The following DYM variants were observed in gnomAD, a reference collection of about 807,000 sequenced individuals.
The protein encoded by DYM is dymeclin, also known as dyggve-Melchior-Clausen syndrome protein.
In DYM, 78 loss-of-function variants were observed where a neutral mutation model predicts 93.1. That is an observed-to-expected ratio of 0.84 (90% CI 0.70 to 1.01). DYM has a LOEUF of 1.01. DYM is among the 50% of genes least tolerant of loss of function. DYM has a pLI of 0.00. For missense variants in DYM, 789 were observed against 845.0 expected (o/e 0.93, Z 0.82); for synonymous variants, 321 against 319.7 (o/e 1.00, Z -0.04).
At chr18:49,139,832 T>C (rs2084260263) in intron 15 of DYM, among the ~76,000 whole-genome samples, 1 of 152,180 alleles carries the variant, frequency 6.6e-6, no homozygotes, top group Non-Finnish European at 1.5e-5. Context: ...ATTTGTTTTT[T>C]AACTCTCAGA....
intron 11 of DYM, among the ~76,000 whole-genome samples, chr18:49,261,029 T>C (rs1195564385): frequency 1.3e-5 from 2 of 152,030 alleles, no homozygotes; most frequent in African/African-American, 4.8e-5. Flanking sequence ...TAAATCTAAA[T>C]AATATACTAA....
chr18:49,141,110 C>G (rs1205329725), intron 15 of DYM, among the ~76,000 whole-genome samples: 1 of 151,972 alleles, frequency 6.6e-6, no homozygotes, highest in Non-Finnish European at 1.5e-5. Flanking sequence ...CTGGATTATC[C>G]CTCTTTCCTT....
At chr18:49,106,342 G>T (rs1452478489) in intron 16 of DYM, among the ~76,000 whole-genome samples, 1 of 152,170 alleles carries the variant, frequency 6.6e-6, no homozygotes, top group Non-Finnish European at 1.5e-5. Context: ...ACACTGATGG[G>T]TCTTGACTCT....
chr18:49,267,043 T>A (rs2094581812), intron 11 of DYM, among the ~76,000 whole-genome samples: 2 of 151,776 alleles, frequency 1.3e-5, no homozygotes, highest in South Asian at 4.2e-4. Flanking sequence ...AAACAAAAAA[T>A]GGAGGAAAAA....
At chr18:49,110,196 A>C (rs951019014) in intron 16 of DYM, among the ~76,000 whole-genome samples, 6 of 152,228 alleles carry the variant, frequency 3.9e-5, no homozygotes. Flanking sequence ...AAATATTTAC[A>C]ATCTGCTCAC....
intron 11 of DYM, among the ~76,000 whole-genome samples, chr18:49,271,913 A>G (rs2094708650): frequency 6.6e-6 from 1 of 151,946 alleles, no homozygotes. Flanking sequence ...GAAATGCTGA[A>G]GAAAAATGAA....
At chr18:49,235,146 T>C (rs974330786) in intron 13 of DYM, among the ~76,000 whole-genome samples, 4 of 152,178 alleles carry the variant, frequency 2.6e-5, no homozygotes, top group African/African-American at 9.7e-5. Flanking sequence ...TACAGAATTG[T>C]GGGATAACAA....
At chr18:49,350,211 T>C (rs111441533) in intron 6 of DYM, among the ~76,000 whole-genome samples, 1 of 152,174 alleles carries the variant, frequency 6.6e-6, no homozygotes, top group African/African-American at 2.4e-5. Flanking sequence ...TGAATATTCA[T>C]TGGAGTGTTG....
intron 17 of DYM, among the ~76,000 whole-genome samples, chr18:49,076,071 T>A (rs1317150466): frequency 6.6e-6 from 1 of 152,122 alleles, no homozygotes; most frequent in Non-Finnish European, 1.5e-5. Context: ...AAAGTAAATT[T>A]CAAAAAAGCA....
chr18:49,081,214 A>G (rs1273328424), intron 17 of DYM, among the ~76,000 whole-genome samples: 37 of 150,492 alleles, frequency 2.5e-4, no homozygotes, highest in Admixed American at 2.4e-3. Context: ...CCTGGGCACC[A>G]TTGAGCACTG....
At chr18:49,416,103 T>C (rs1342641451) in intron 2 of DYM, among the ~76,000 whole-genome samples, 1 of 152,198 alleles carries the variant, frequency 6.6e-6, no homozygotes, top group Non-Finnish European at 1.5e-5. Flanking sequence ...CTTATTTTCA[T>C]TCCTCAAATA....
chr18:49,162,097 A>G (rs10775491), intron 15 of DYM, among the ~76,000 whole-genome samples: 88,036 of 152,080 alleles, frequency 0.58, 27,909 homozygotes, highest in Non-Finnish European at 0.73. Flanking sequence ...ATTCCAAAAT[A>G]TAAGAAATGT....
rs1169909440 is a variant in DYM at position 49,379,655 on chromosome 18, G to C, written c.287+10C>G. ...ATATAAAGCAAACATGGTTTAATTA[G>C]CCAGCTTACTTCTGACATTCTGCTG... On this transcript the variant is annotated intron_variant, in intron 4 of 17. Transcript: ENST00000675505. 1 of 1,598,668 alleles carries C rather than the reference G, an allele frequency of 6.3e-7. No homozygotes were observed. Among genetic ancestry groups the C allele is most frequent in the Non-Finnish European group, 8.6e-7 (1 of 1,166,412 alleles).
chr18:49,120,089 A>T (rs563126283), intron 15 of DYM, among the ~76,000 whole-genome samples: 2 of 151,062 alleles, frequency 1.3e-5, no homozygotes, highest in African/African-American at 4.8e-5. Context: ...AAAAAAAAAA[A>T]AAAAAAGAAA....
chr18:49,412,405 A>G (rs2072367825), intron 2 of DYM, among the ~76,000 whole-genome samples: 1 of 152,180 alleles, frequency 6.6e-6, no homozygotes, highest in African/African-American at 2.4e-5. Context: ...AAACTTAAGC[A>G]TCTTCTAAAA....
intron 2 of DYM, among the ~76,000 whole-genome samples, chr18:49,405,012 C>CAAAAAAAAAAA (rs199975015): frequency 9.8e-6 from 1 of 102,190 alleles, no homozygotes; most frequent in Non-Finnish European, 1.9e-5. Flanking sequence ...GACTCCATCT[C>CAAAAAAAAAAA]AAAAAAAAAA....
At chr18:49,229,057 A>C (rs1011466395) in intron 13 of DYM, among the ~76,000 whole-genome samples, 13 of 103,540 alleles carry the variant, frequency 1.3e-4, no homozygotes, top group African/African-American at 4.9e-4. Flanking sequence ...ACACATACTT[A>C]CTAAAAGTTA....
intron 13 of DYM, among the ~76,000 whole-genome samples, chr18:49,239,578 T>A (rs2093963948): frequency 6.6e-6 from 1 of 152,220 alleles, no homozygotes; most frequent in South Asian, 2.1e-4. Flanking sequence ...CTGCCACTCT[T>A]GGGATGTCCC....
At chr18:49,243,415 A>C (rs2094081946) in intron 13 of DYM, among the ~76,000 whole-genome samples, 4 of 152,160 alleles carry the variant, frequency 2.6e-5, no homozygotes, top group Admixed American at 2.0e-4. Flanking sequence ...TTGTAATATG[A>C]GCACTTTGGG....
Sources: allele counts gnomAD v4.1 joint callset (sites outside exome capture counted in the v4.1 genomes callset), GRCh38; gene constraint gnomAD v4.1.1; transcripts MANE v1.5; gene names NCBI Gene and HGNC (gene_info 2026-07-23, HGNC 2026-07-21).